SLC44A1: variants seen among roughly 807,000 people sequenced by gnomAD.
The protein encoded by SLC44A1 is solute carrier family 44 member 1.
Under a neutral mutation model 79.3 loss-of-function variants are expected in SLC44A1, and 26 were observed. That is an observed-to-expected ratio of 0.33 (90% confidence interval 0.24 to 0.46). SLC44A1 has a LOEUF of 0.46. SLC44A1 is among the 20% of genes least tolerant of loss of function. SLC44A1 has a pLI of 1.00. For missense variants in SLC44A1, 688 were observed against 798.1 expected (o/e 0.86, Z 1.66); for synonymous variants, 263 against 286.2 (o/e 0.92, Z 0.82).
rs774367507 is a variant in SLC44A1, at chr9:105,389,064, C to T, written c.*8C>T. On this transcript the variant is annotated 3_prime_UTR_variant, in exon 16 of 16. Transcript: ENST00000374720. The stretch of plus-strand genomic sequence containing the variant: ...GGAGCAAGTTCTGCTTGAACCTAGC[C>T]GACGGTTATGGAAACCCATTGACAT... 3.0e-5 allele frequency: 48 copies of T among 1,612,578 alleles called. No individual in the cohort carries two copies. Among genetic ancestry groups the T allele is most frequent in the Middle Eastern group, 1.6e-4 (1 of 6,082 alleles).
At chr9:105,260,719 T>C (rs538426591) in intron 1 of SLC44A1, among the ~76,000 whole-genome samples, 1 of 152,258 alleles carries the variant, frequency 6.6e-6, no homozygotes, top group South Asian at 2.1e-4. Context: ...AACTTGATAA[T>C]ATGAACTGCT....
chr9:105,356,319 G>A lies in SLC44A1; in HGVS notation c.608G>A (p.Arg203Lys). 6.2e-7 allele frequency: 1 copy of A among 1,611,938 alleles called. No individual in the cohort carries two copies. Among genetic ancestry groups the A allele is most frequent in the Non-Finnish European group, 8.5e-7 (1 of 1,178,654 alleles). The stretch of plus-strand genomic sequence containing the variant: ...GTCAGTGACAATAGTGTCTTACACA[G>A]GCTGATTAGTGGAGTAATGACCAGC... ...TFVSDNSVLH[R>K]LISGVMTSKE... The change falls in exon 6 of 16, where the codon AGG becomes AAG. Residue 203 changes from arginine to lysine, a missense_variant. By Grantham distance (26) the Arg-to-Lys change is conservative. Coordinates refer to ENST00000374720, the MANE Select transcript of SLC44A1 (RefSeq NM_080546.5).
intron 15 of SLC44A1, among the ~76,000 whole-genome samples, chr9:105,403,605 A>G (rs1036301909): frequency 8.7e-5 from 13 of 149,506 alleles, no homozygotes; most frequent in African/African-American, 3.0e-4. Flanking sequence ...AACTCACACC[A>G]TATTTAGGAA....
chr9:105,418,875 G>A (rs1298101733), intron 15 of SLC44A1, among the ~76,000 whole-genome samples: 1 of 152,136 alleles, frequency 6.6e-6, no homozygotes, highest in Non-Finnish European at 1.5e-5. Flanking sequence ...CAGCCTAAAG[G>A]ACCTTACTCT....
At chr9:105,421,345 A>G (rs1305770540) in intron 15 of SLC44A1, among the ~76,000 whole-genome samples, 1 of 152,196 alleles carries the variant, frequency 6.6e-6, no homozygotes, top group Admixed American at 6.5e-5. Context: ...TCCTTGTAAG[A>G]ATCATGAGAC....
At position 105,394,075 on chromosome 9, in the gene SLC44A1, C is replaced by A; in HGVS notation, c.*5019C>A. 1.0e-6 allele frequency: 1 copy of A among 985,248 alleles called. No homozygotes were observed. The highest frequency in any genetic ancestry group is 1.2e-6 in the Non-Finnish European group (1 of 829,758). 61.0% of individuals were successfully genotyped at this position (985,248 alleles called of 1,614,324 possible). On this transcript the variant is annotated 3_prime_UTR_variant, in exon 16 of 16. Coordinates refer to ENST00000374720, the MANE Select transcript of SLC44A1 (RefSeq NM_080546.5). ...TTTCCTTCAAATGCACATCACATGT[C>A]TGTGAACACTCAAAATGCTCATAGA...
At position 105,395,055 on chromosome 9, in the gene SLC44A1, T is replaced by G; in HGVS notation, c.*5999T>G. The G allele has an allele frequency of 1.0e-6, 1 of 985,452 alleles. No homozygotes were observed. The highest frequency in any genetic ancestry group is 1.2e-6 in the Non-Finnish European group (1 of 829,936). The allele number at this position is 985,452 out of a possible 1,614,324, so 61.0% of individuals were successfully genotyped here. A position where few individuals can be genotyped will look rare whatever the true frequency, so the allele number is the denominator to read the frequency against. On this transcript the variant is annotated 3_prime_UTR_variant, in exon 16 of 16. Transcript: ENST00000374720. ...CTCATCAAGGGGTTTGAAGTTCTTGTGAAATTTGATCCCAGTGGCTCATGA... is the reference window on the plus strand; with the variant it reads ...CTCATCAAGGGGTTTGAAGTTCTTGGGAAATTTGATCCCAGTGGCTCATGA...
At chr9:105,418,488 A>C (rs914742090) in intron 15 of SLC44A1, among the ~76,000 whole-genome samples, 2 of 152,224 alleles carry the variant, frequency 1.3e-5, no homozygotes, top group African/African-American at 2.4e-5. Context: ...GGTTAATTAA[A>C]TAAAATCACA....
Position 105,358,378 on chromosome 9 carries a change from T to C in SLC44A1, c.705T>C (p.Tyr235=). ...TGATTTTGATGGTGATAATCAGGTA[T>C]ATATCAAGAGTACTTGTGTGGATCT... is the stretch of plus-strand genomic sequence containing the variant. ...LSMILMVIIR[Y]ISRVLVWILT... The change falls in exon 7 of 16, where the codon TAT becomes TAC. Residue 235 remains tyrosine (Y), a synonymous_variant. Transcript: ENST00000374720. 1 of 1,593,382 alleles carries C rather than the reference T, an allele frequency of 6.3e-7. No individual in the cohort carries two copies.
chr9:105,351,596 G>GAGAGAAAGAGAAAGAA (rs1554797147), intron 5 of SLC44A1, among the ~76,000 whole-genome samples: 254 of 113,466 alleles, frequency 2.2e-3, no homozygotes, highest in African/African-American at 8.7e-3. Context: ...AAGAGAGAAA[G>GAGAGAAAGAGAAAGAA]AGAAAGAAAG....
intron 3 of SLC44A1, among the ~76,000 whole-genome samples, chr9:105,320,507 G>A (rs533554001): frequency 2.0e-5 from 3 of 151,888 alleles, no homozygotes; most frequent in East Asian, 1.9e-4. Context: ...ATAGTAGGAG[G>A]GTTATATTTG....
chr9:105,389,156 T>C lies in SLC44A1; in HGVS notation c.*100T>C. 6.5e-7 allele frequency: 1 copy of C among 1,545,046 alleles called. No individual in the cohort carries two copies. The highest frequency in any genetic ancestry group is 8.8e-7 in the Non-Finnish European group (1 of 1,132,100). ...GGGTGTGTGTATATATGTATATGTATGTGTGTATATATGTATATGTATATA... is the reference window on the plus strand; with the variant it reads ...GGGTGTGTGTATATATGTATATGTACGTGTGTATATATGTATATGTATATA... On this transcript the variant is annotated 3_prime_UTR_variant, in exon 16 of 16. Coordinates refer to ENST00000374720, the MANE Select transcript of SLC44A1 (RefSeq NM_080546.5).
downstream of SLC44A1, chr9:105,397,447 AG>A (rs747651304): frequency 5.2e-5 from 37 of 713,414 alleles, no homozygotes; most frequent in Non-Finnish European, 5.8e-5. Context: ...GTATGCTGCA[AG>A]GGTGCCCCAG....
Position 105,395,599 on chromosome 9 carries a change from G to A in SLC44A1, c.*6543G>A, listed in dbSNP as rs371433284. ...ATTCCCATGTTGGATAGAAAAGGGC[G>A]TAAGTCCAGTCTAAGTATCTAAATG... On this transcript the variant is annotated 3_prime_UTR_variant, in exon 16 of 16. Coordinates refer to ENST00000374720, the MANE Select transcript of SLC44A1 (RefSeq NM_080546.5). 2.5e-5 allele frequency: 25 copies of A among 985,326 alleles called. No individual in the cohort carries two copies. The highest frequency in any genetic ancestry group is 1.9e-4 in the South Asian group (4 of 21,280). 61.0% of individuals were successfully genotyped at this position (985,326 alleles called of 1,614,324 possible). A position where few individuals can be genotyped will look rare whatever the true frequency, so the allele number is the denominator to read the frequency against.
chr9:105,294,318 G>A (rs1333414749), intron 1 of SLC44A1, among the ~76,000 whole-genome samples: 2 of 152,082 alleles, frequency 1.3e-5, no homozygotes, highest in African/African-American at 4.8e-5. Context: ...TCAATTCCTT[G>A]TGCCTGAAGA....
At chr9:105,282,754 G>A (rs372759210) in intron 1 of SLC44A1, among the ~76,000 whole-genome samples, 83 of 152,114 alleles carry the variant, frequency 5.5e-4, no homozygotes, top group Admixed American at 3.4e-3. Flanking sequence ...TCACCATGTT[G>A]GCCAGGCTGG....
chr9:105,353,288 TAAACA>T, intron 5 of SLC44A1, among the ~76,000 whole-genome samples: 1 of 152,188 alleles, frequency 6.6e-6, no homozygotes, highest in Non-Finnish European at 1.5e-5. Flanking sequence ...CAACTGTTAA[TAAACA>T]GTGTAAAAAT....
At chr9:105,252,441 A>G (rs889715876) in intron 1 of SLC44A1, among the ~76,000 whole-genome samples, 19 of 152,206 alleles carry the variant, frequency 1.2e-4, no homozygotes, top group Non-Finnish European at 2.9e-5. Context: ...TTTAAAATTC[A>G]TTATAAGAAT....
Position 105,299,285 on chromosome 9 carries a change from C to G in SLC44A1, c.102C>G (p.Leu34=). The G allele has an allele frequency of 6.3e-7, 1 of 1,592,480 alleles. No homozygotes were observed. The change falls in exon 2 of 16, where the codon CTC becomes CTG. Residue 34 remains leucine (L), a synonymous_variant. Coordinates refer to ENST00000374720, the MANE Select transcript of SLC44A1 (RefSeq NM_080546.5). ...GCACAGACATACCATGGCTGCTGCTCTTCATCCTCTTCTGCATTGGGATGG... is the reference window on the plus strand; with the variant it reads ...GCACAGACATACCATGGCTGCTGCTGTTCATCCTCTTCTGCATTGGGATGG... ...RSCTDIPWLL[L]FILFCIGMGF...
Sources: allele counts gnomAD v4.1 joint callset (sites outside exome capture counted in the v4.1 genomes callset), GRCh38; gene constraint gnomAD v4.1.1; transcripts MANE v1.5; gene names NCBI Gene and HGNC (gene_info 2026-07-23, HGNC 2026-07-21).